COMMD8: variants seen among roughly 807,000 people sequenced by gnomAD.
COMMD8 encodes the protein COMM domain containing 8.
COMMD8 carries 28 observed loss-of-function variants against 27.2 expected under a neutral mutation model. That is an observed-to-expected ratio of 1.03 (90% CI 0.76 to 1.41). The LOEUF (loss-of-function observed/expected upper bound fraction) is 1.41, where lower values mean the gene tolerates loss of function less well. COMMD8 is among the 40% of genes most tolerant of loss of function. The pLI is 0.00. For synonymous variants in COMMD8, 79 were observed against 75.5 expected (o/e 1.05, Z -0.24); for missense variants, 217 against 211.2 (o/e 1.03, Z -0.17).
intron 3 of COMMD8, among the ~76,000 whole-genome samples, chr4:47,456,262 T>TTATA (rs1553886649): frequency 6.9e-4 from 56 of 80,834 alleles, no homozygotes; most frequent in African/African-American, 2.1e-3. Context: ...AATAAATAAA[T>TTATA]TATACATATA....
Position 47,460,209 on chromosome 4 carries a change from G to A in COMMD8, c.157C>T (p.His53Tyr), listed in dbSNP as rs1729988895. ...AATTTGGCAATATCTTCTAAAACGT[G>A]CATCCATTCTTCTGATTCCCAAACA... is the stretch of plus-strand genomic sequence containing the variant. The part of the protein sequence containing the change: ...HTVWESEEWM[H>Y]VLEDIAKFFK... Residue 53 changes from histidine to tyrosine, a missense_variant, in exon 2 of 5, where the codon CAC becomes TAC. His to Tyr is a moderately conservative substitution (Grantham distance 83, BLOSUM62 2). Transcript: ENST00000381571. The A allele has an allele frequency of 1.2e-6, 2 of 1,613,430 alleles. No homozygotes were observed.
At position 47,456,684 on chromosome 4, in the gene COMMD8, T is replaced by A; in HGVS notation, c.268A>T (p.Ile90Phe). 4 of 1,608,118 alleles carry A rather than the reference T, an allele frequency of 2.5e-6. No homozygotes were observed. Among genetic ancestry groups the A allele is most frequent in the Non-Finnish European group, 3.4e-6 (4 of 1,177,784 alleles). Residue 90 changes from isoleucine (I) to phenylalanine (F), a missense_variant, in exon 3 of 5, where the codon ATC (isoleucine) becomes TTC (phenylalanine). By Grantham distance (21) the Ile-to-Phe change is conservative. Coordinates refer to ENST00000381571, the MANE Select transcript of COMMD8 (RefSeq NM_017845.5). Reference sequence around the variant, plus strand: ...TTCCTACTTTTCACGCATTTCATGATAGTTTCTTGATGAAGTGAATTCAAC... The same window carrying A: ...TTCCTACTTTTCACGCATTTCATGAAAGTTTCTTGATGAAGTGAATTCAAC... ...NQLNSLHQET[I>F]MKCVKSRKDE...
intron 4 of COMMD8, among the ~76,000 whole-genome samples, chr4:47,452,132 T>C (rs1453087696): frequency 2.6e-5 from 4 of 152,214 alleles, no homozygotes; most frequent in African/African-American, 4.8e-5. Flanking sequence ...AACATACATA[T>C]ACAAAGACAA....
chr4:47,460,722 C>G (rs1730003128), intron 1 of COMMD8, among the ~76,000 whole-genome samples: 2 of 151,952 alleles, frequency 1.3e-5, no homozygotes, highest in Admixed American at 6.6e-5. Context: ...CCCAGGCTGG[C>G]CTTGAACTCC....
rs1392372392 is a variant in COMMD8, at chr4:47,460,310, A to G, written c.67-11T>C. 2.5e-6 allele frequency: 4 copies of G among 1,606,976 alleles called. No homozygotes were observed. The Admixed American group carries it at 5.1e-5, about 20-fold the overall frequency. The stretch of plus-strand genomic sequence containing the variant: ...TATTTTGTGAAGAAGCTAGCAAGAA[A>G]AAAGGAAATAAATGTACTTATAAGT... On this transcript the variant is annotated splice_polypyrimidine_tract_variant and intron_variant, in intron 1 of 4. Coordinates refer to ENST00000381571, the MANE Select transcript of COMMD8 (RefSeq NM_017845.5).
At chr4:47,455,580 A>G (rs1330824168) in intron 3 of COMMD8, among the ~76,000 whole-genome samples, 1 of 152,210 alleles carries the variant, frequency 6.6e-6, no homozygotes, top group East Asian at 1.9e-4. Flanking sequence ...GGCCAAGACC[A>G]GAGCCACAGA....
chr4:47,461,410 T>C (rs763286980), intron 1 of COMMD8, among the ~76,000 whole-genome samples: 10 of 152,274 alleles, frequency 6.6e-5, no homozygotes, highest in Non-Finnish European at 1.0e-4. Flanking sequence ...TGCTTCCAAA[T>C]GGTGGCTAAT....
chr4:47,460,591 C>T (rs536743451), intron 1 of COMMD8, among the ~76,000 whole-genome samples: 7 of 152,256 alleles, frequency 4.6e-5, no homozygotes, highest in Admixed American at 6.5e-5. Context: ...TTTATAGCAA[C>T]GACCAAACAA....
Position 47,457,311 on chromosome 4 carries a change from C to T in COMMD8, c.223-582G>A, listed in dbSNP as rs75686807. 9.0e-3 allele frequency among the ~76,000 whole-genome samples: 1,366 copies of T among 152,274 alleles called. 22 individuals carry two copies. Among genetic ancestry groups the T allele is most frequent in the African/African-American group, 0.032 (1,320 of 41,548 alleles). ...AGAAAGACACAACAATCATAAATCC[C>T]TCTGCACCTAACACCATAGCTTCAA... On this transcript the variant is annotated intron_variant, in intron 2 of 4. Transcript: ENST00000381571.
chr4:47,452,124 CATACAT>C (rs1484695655), intron 4 of COMMD8, among the ~76,000 whole-genome samples: 1 of 152,192 alleles, frequency 6.6e-6, no homozygotes, highest in Non-Finnish European at 1.5e-5. Context: ...AACGAAGAAA[CATACAT>C]ATACAAAGAC....
intron 3 of COMMD8, among the ~76,000 whole-genome samples, chr4:47,454,797 G>T (rs953819208): frequency 1.3e-5 from 2 of 150,164 alleles, no homozygotes; most frequent in African/African-American, 4.9e-5. Context: ...CCCGGGAGGT[G>T]GGGTTGCGGT....
rs968832596 is a variant in COMMD8, at chr4:47,456,628, T to G, written c.324A>C (p.Glu108Asp). 1.3e-5 allele frequency: 21 copies of G among 1,609,812 alleles called. No individual in the cohort carries two copies. Among genetic ancestry groups the G allele is most frequent in the Non-Finnish European group, 1.7e-5 (20 of 1,178,550 alleles). ...GCTGTGCAGAGGAAATAGCAACTATTTCTCTTGACAGAGCCTGTTTGATTT... is the reference window on the plus strand; with the variant it reads ...GCTGTGCAGAGGAAATAGCAACTATGTCTCTTGACAGAGCCTGTTTGATTT... The part of the protein sequence containing the change: ...KDEIKQALSR[E>D]IVAISSAQLQ... The change falls in exon 3 of 5, where the codon GAA becomes GAC. Residue 108 changes from glutamate (E) to aspartate (D), a missense_variant. By Grantham distance (45) the Glu-to-Asp change is conservative (BLOSUM62 2). Transcript: ENST00000381571.
At chr4:47,456,240 CTT>C (rs1445745838) in intron 3 of COMMD8, among the ~76,000 whole-genome samples, 1 of 140,468 alleles carries the variant, frequency 7.1e-6, no homozygotes, top group Admixed American at 7.7e-5. Flanking sequence ...GAGCACGACT[CTT>C]GTCTCAAAAA....
intron 2 of COMMD8, among the ~76,000 whole-genome samples, chr4:47,458,060 T>G (rs549595494): frequency 1.3e-5 from 2 of 152,174 alleles, no homozygotes; most frequent in South Asian, 4.1e-4. Flanking sequence ...AAGCATTTCA[T>G]AAAATTCAAT....
chr4:47,460,189 G>A lies in COMMD8; in HGVS notation c.177C>T (p.Ala59=). ...EEWMHVLEDI[A]KFFKAIVGKN... ...TACCAACTATGGCTTTGAAAAATTT[G>A]GCAATATCTTCTAAAACGTGCATCC... Residue 59 remains alanine (A), a synonymous_variant, in exon 2 of 5, where the codon GCC becomes GCT. Transcript: ENST00000381571. 6.2e-7 allele frequency: 1 copy of A among 1,613,536 alleles called. No individual in the cohort carries two copies. The highest frequency in any genetic ancestry group is 8.5e-7 in the Non-Finnish European group (1 of 1,179,700).
chr4:47,453,893 T>C (rs1485462018), intron 3 of COMMD8, among the ~76,000 whole-genome samples: 1 of 152,184 alleles, frequency 6.6e-6, no homozygotes, highest in Admixed American at 6.5e-5. Context: ...AACTGAATCT[T>C]TGTTTAGAAT....
At chr4:47,452,486 G>C (rs1319770045) in intron 4 of COMMD8, among the ~76,000 whole-genome samples, 1 of 152,042 alleles carries the variant, frequency 6.6e-6, no homozygotes, top group Non-Finnish European at 1.5e-5. Context: ...GAGCATTGCA[G>C]CAAAAGAAAT....
intron 3 of COMMD8, among the ~76,000 whole-genome samples, chr4:47,455,929 T>G (rs574732842): frequency 1.3e-5 from 2 of 152,128 alleles, no homozygotes; most frequent in Non-Finnish European, 2.9e-5. Flanking sequence ...AAGAAAGCTA[T>G]AAAGTCTAGA....
chr4:47,458,042 T>G (rs1729937016), intron 2 of COMMD8, among the ~76,000 whole-genome samples: 1 of 151,982 alleles, frequency 6.6e-6, no homozygotes, highest in South Asian at 2.1e-4. Flanking sequence ...AATAATAAAT[T>G]CAGGGAAAAG....
Sources: allele counts gnomAD v4.1 joint callset (sites outside exome capture counted in the v4.1 genomes callset), GRCh38; gene constraint gnomAD v4.1.1; transcripts MANE v1.5; gene names NCBI Gene and HGNC (gene_info 2026-07-23, HGNC 2026-07-21).